The following HEATR6 variants were observed in gnomAD, a reference collection of about 807,000 sequenced individuals.
HEATR6 encodes HEAT repeat containing 6, also known as HEAT repeat-containing protein 6.
Under a neutral mutation model 132.8 loss-of-function variants are expected in HEATR6, and 106 were observed. The ratio of observed to expected loss-of-function variants is 0.80; its 90% CI spans 0.68 to 0.94. The LOEUF (loss-of-function observed/expected upper bound fraction) is 0.94, where lower values mean the gene tolerates loss of function less well. Among genes scored for constraint, HEATR6 ranks in the 40% least tolerant of loss-of-function variants. The pLI is 0.00. For synonymous variants in HEATR6, 529 were observed against 537.8 expected (o/e 0.98, Z 0.23); for missense variants, 1,339 against 1,425.1 (o/e 0.94, Z 0.97).
chr17:60,066,138 G>A, intron 9 of HEATR6, 71 bp downstream of exon 9: 4 of 1,282,528 alleles, frequency 3.1e-6, no homozygotes, highest in South Asian at 1.3e-5. Flanking sequence ...GACAGGATAA[G>A]GCAGAGATAA....
intron 18 of HEATR6, 96 bp from the exon 19 acceptor site, chr17:60,046,325 CT>C (rs1906366692): frequency 1.1e-6 from 1 of 880,808 alleles, no homozygotes; most frequent in Non-Finnish European, 1.7e-6. Context: ...AGGTCTTCAA[CT>C]TCTTAAAGCA....
chr17:60,064,918 C>T (rs1185601161), intron 9 of HEATR6: 1 of 152,226 alleles, frequency 6.6e-6, no homozygotes, highest in Non-Finnish European at 1.5e-5. Flanking sequence ...TGTCCCACAT[C>T]CCCTTGGCTG....
chr17:60,056,415 T>C (rs1906745781), intron 12 of HEATR6, among the ~76,000 whole-genome samples, 178 bp from the exon 13 acceptor site: 1 of 152,216 alleles, frequency 6.6e-6, no homozygotes, highest in South Asian at 2.1e-4. Flanking sequence ...TATCATAGTT[T>C]TATGGTGCTT....
rs776220748 is a variant in HEATR6 at position 60,067,506 on chromosome 17, G to C, written c.1166C>G (p.Ser389Cys). 3.1e-6 allele frequency: 5 copies of C among 1,608,582 alleles called. No individual in the cohort carries two copies. Among genetic ancestry groups the C allele is most frequent in the South Asian group, 1.1e-5 (1 of 89,820 alleles). The change falls in exon 8 of 20, where the codon TCC becomes TGC. Residue 389 changes from serine to cysteine, a missense_variant. Coordinates refer to ENST00000184956, the MANE Select transcript of HEATR6 (RefSeq NM_022070.5). Reference sequence around the variant, plus strand: ...ACTACTGCTGACCCTTTTCCAACTGGAAGAACTGAAGGATGAGGAGACTCC... The same window carrying C: ...ACTACTGCTGACCCTTTTCCAACTGCAAGAACTGAAGGATGAGGAGACTCC... ...KDGVSSSFSS[S>C]SWKRVSSSES...
At chr17:60,071,568 G>A (rs1407773399) in intron 5 of HEATR6, among the ~76,000 whole-genome samples, 3 of 152,122 alleles carry the variant, frequency 2.0e-5, no homozygotes, top group Admixed American at 2.0e-4. Flanking sequence ...ACTTGTCCAA[G>A]GTCTTCCAGC....
chr17:60,053,344 C>T (rs962342064), intron 14 of HEATR6, among the ~76,000 whole-genome samples: 6 of 152,130 alleles, frequency 3.9e-5, no homozygotes, highest in African/African-American at 1.2e-4. Flanking sequence ...GTGAGCCAGA[C>T]GAACCTCTTT....
At chr17:60,052,577 C>T (rs1435212042) in intron 14 of HEATR6, among the ~76,000 whole-genome samples, 1 of 152,124 alleles carries the variant, frequency 6.6e-6, no homozygotes, top group African/African-American at 2.4e-5. Context: ...TATATGAAAG[C>T]TTTAGTGGCA....
At chr17:60,057,463 T>C in intron 11 of HEATR6, 60 bp from the exon 12 acceptor site, 6 of 1,139,178 alleles carry the variant, frequency 5.3e-6, no homozygotes, top group Admixed American at 4.6e-5. Context: ...AAGATGGTAG[T>C]TATCCCAGCA....
intron 5 of HEATR6, 135 bp from the exon 6 acceptor site, chr17:60,070,942 T>C (rs1248100911): frequency 1.2e-5 from 7 of 584,212 alleles, no homozygotes; most frequent in Non-Finnish European, 2.1e-5. Context: ...TAGACACACA[T>C]ATACACACAC....
intron 7 of HEATR6, among the ~76,000 whole-genome samples, chr17:60,069,461 C>T (rs371353905): frequency 2.0e-5 from 3 of 152,154 alleles, no homozygotes; most frequent in Admixed American, 1.3e-4. Flanking sequence ...GATGAGAATG[C>T]TTGGTTTGGG....
At chr17:60,053,660 G>A (rs746321778) in intron 14 of HEATR6, among the ~76,000 whole-genome samples, 152 of 152,334 alleles carry the variant, frequency 1.0e-3, no homozygotes, top group African/African-American at 3.5e-3. Flanking sequence ...TTGAAGAACT[G>A]GAGGAAAGGT....
At chr17:60,075,164 T>C (rs2083290163) in intron 2 of HEATR6, among the ~76,000 whole-genome samples, 2 of 152,184 alleles carry the variant, frequency 1.3e-5, no homozygotes, top group African/African-American at 4.8e-5. Context: ...TAAAGTTAAT[T>C]AGCTTCTGCT....
intron 8 of HEATR6, 80 bp downstream of exon 8, chr17:60,067,354 A>G (rs538156708): frequency 5.6e-4 from 546 of 968,984 alleles, no homozygotes; most frequent in Non-Finnish European, 7.6e-4. Flanking sequence ...AAGTTAAATC[A>G]CATGCAGCAT....
chr17:60,057,613 T>C (rs1216382846), intron 11 of HEATR6, among the ~76,000 whole-genome samples: 1 of 152,192 alleles, frequency 6.6e-6, no homozygotes, highest in Non-Finnish European at 1.5e-5. Context: ...GAATGTGATT[T>C]ATTTTGTTAT....
intron 9 of HEATR6, among the ~76,000 whole-genome samples, chr17:60,062,403 T>C (rs1441494781): frequency 6.6e-6 from 1 of 152,242 alleles, no homozygotes; most frequent in Non-Finnish European, 1.5e-5. Flanking sequence ...TACTAGTGTA[T>C]AGTTTCACCT....
In HEATR6 at chr17:60,041,166, G is replaced by A. The variant is rs1906162833; in HGVS notation, c.*2397C>T. Among the ~76,000 whole-genome samples, 2 of 152,234 alleles carry A rather than the reference G, an allele frequency of 1.3e-5. No homozygotes were observed. Among genetic ancestry groups the A allele is most frequent in the Admixed American group, 6.5e-5 (1 of 15,282 alleles). On this transcript the variant is annotated 3_prime_UTR_variant, in exon 20 of 20. Transcript: ENST00000184956. Reference sequence around the variant, plus strand: ...CTGCAGAGAAGAGAATCAGCATACTGTTGGGACACAGCAGGTACCACTGCC... The same window carrying A: ...CTGCAGAGAAGAGAATCAGCATACTATTGGGACACAGCAGGTACCACTGCC...
chr17:60,054,415 C>G (rs1598908715), intron 14 of HEATR6, among the ~76,000 whole-genome samples: 1 of 152,332 alleles, frequency 6.6e-6, no homozygotes. Context: ...AGGTTGGAGC[C>G]CCTACACACG....
intron 19 of HEATR6, among the ~76,000 whole-genome samples, chr17:60,044,754 G>T (rs1034134121): frequency 8.5e-5 from 13 of 152,154 alleles, no homozygotes; most frequent in South Asian, 2.1e-4. Context: ...TACTCAAGAT[G>T]GGTGACAGAG....
intron 15 of HEATR6, 138 bp downstream of exon 15, chr17:60,050,705 C>T (rs1424248276): frequency 1.0e-6 from 1 of 990,744 alleles, no homozygotes; most frequent in Non-Finnish European, 1.5e-6. Context: ...TCCCCAGTGC[C>T]CTCATCCCCA....
Sources: gnomAD v4.1 joint callset for allele counts (sites outside exome capture counted in the v4.1 genomes callset) on GRCh38, gnomAD v4.1.1 for gene constraint, MANE v1.5 for transcripts, NCBI Gene and HGNC (gene_info 2026-07-23, HGNC 2026-07-21) for gene names.